TAFA1: variants seen among roughly 807,000 people sequenced by gnomAD.
TAFA1 encodes chemokine-like protein TAFA-1.
In TAFA1, 4 loss-of-function variants were observed where a neutral mutation model predicts 18.5. The observed-to-expected ratio is 0.22, with a 90% CI of 0.11 to 0.49. The LOEUF (loss-of-function observed/expected upper bound fraction) is 0.49, where lower values mean the gene tolerates loss of function less well. Ranked by LOEUF, TAFA1 falls within the 20% of genes least tolerant of loss-of-function variation. The pLI is 0.98. For synonymous variants in TAFA1, 56 were observed against 55.2 expected (o/e 1.01, Z -0.06); for missense variants, 147 against 169.0 (o/e 0.87, Z 0.72).
At chr3:68,063,748 T>C (rs1416013925) in intron 2 of TAFA1, among the ~76,000 whole-genome samples, 2 of 152,206 alleles carry the variant, frequency 1.3e-5, no homozygotes, top group Non-Finnish European at 2.9e-5. Context: ...CATCTTATTA[T>C]ATCACACATT....
At chr3:68,038,187 CATT>C (rs898904281) in intron 2 of TAFA1, among the ~76,000 whole-genome samples, 1 of 152,092 alleles carries the variant, frequency 6.6e-6, no homozygotes, top group African/African-American at 2.4e-5. Flanking sequence ...TAATGACTCT[CATT>C]GTCATATTTC....
At position 68,223,397 on chromosome 3, in the gene TAFA1, G is replaced by T. The variant is rs531984625; in HGVS notation, c.119-193883G>T. Among the ~76,000 whole-genome samples, 6 of 152,190 alleles carry T rather than the reference G, an allele frequency of 3.9e-5. No individual in the cohort carries two copies. In the South Asian group the frequency reaches 1.2e-3, roughly 32 times the overall value. ...CACCGTGTTATTCAATAGTATCACT[G>T]AATATTTACAACAAGTTAACTAAGT... On this transcript the variant is annotated intron_variant, in intron 2 of 4. Coordinates refer to ENST00000478136, the MANE Select transcript of TAFA1 (RefSeq NM_213609.4).
At chr3:68,063,082 C>T (rs1488171410) in intron 2 of TAFA1, among the ~76,000 whole-genome samples, 1 of 152,174 alleles carries the variant, frequency 6.6e-6, no homozygotes, top group Non-Finnish European at 1.5e-5. Context: ...CCAGTGGATC[C>T]TTGCCACGTA....
intron 3 of TAFA1, among the ~76,000 whole-genome samples, chr3:68,473,935 G>A (rs2072045169): frequency 6.6e-6 from 1 of 152,048 alleles, no homozygotes; most frequent in Admixed American, 6.6e-5. Context: ...CATGGAAAGT[G>A]CTAGATAAAC....
At chr3:68,077,918 G>A (rs1468340167) in intron 2 of TAFA1, among the ~76,000 whole-genome samples, 9 of 152,186 alleles carry the variant, frequency 5.9e-5, no homozygotes, top group South Asian at 2.1e-4. Flanking sequence ...ACACTTTCAC[G>A]ATATTGATTC....
At chr3:68,318,957 C>A (rs2068652448) in intron 2 of TAFA1, among the ~76,000 whole-genome samples, 1 of 151,934 alleles carries the variant, frequency 6.6e-6, no homozygotes, top group African/African-American at 2.4e-5. Context: ...TTTAAAATTA[C>A]CTTAATGCAG....
intron 2 of TAFA1, among the ~76,000 whole-genome samples, chr3:68,155,861 A>C (rs1277188513): frequency 4.6e-5 from 7 of 152,144 alleles, no homozygotes; most frequent in African/African-American, 1.4e-4. Context: ...GAACAGCTTA[A>C]AGTTATATAA....
intron 2 of TAFA1, among the ~76,000 whole-genome samples, chr3:68,047,516 A>G (rs2064404496): frequency 6.6e-6 from 1 of 152,170 alleles, no homozygotes. Flanking sequence ...AATTAATGGG[A>G]TCTATTCTTT....
chr3:68,029,239 G>C (rs1218294458), intron 2 of TAFA1, among the ~76,000 whole-genome samples: 1 of 152,140 alleles, frequency 6.6e-6, no homozygotes, highest in African/African-American at 2.4e-5. Flanking sequence ...CTTTCTGGAG[G>C]CTATCAGCCC....
At chr3:68,004,048 T>G (rs1348212610), upstream of TAFA1, among the ~76,000 whole-genome samples, 1 of 152,220 alleles carries the variant, frequency 6.6e-6, no homozygotes, top group African/African-American at 2.4e-5. Flanking sequence ...TTCTTGTTTC[T>G]CCTTCCCTCT....
intron 2 of TAFA1, among the ~76,000 whole-genome samples, chr3:68,401,868 C>T (rs145749704): frequency 0.015 from 2,215 of 152,186 alleles, 60 homozygotes; most frequent in South Asian, 0.046. Flanking sequence ...AGAAAGAAAA[C>T]GCAGTCTTCA....
chr3:68,193,816 GC>G, intron 2 of TAFA1, among the ~76,000 whole-genome samples: 1 of 151,596 alleles, frequency 6.6e-6, no homozygotes, highest in Admixed American at 6.6e-5. Flanking sequence ...GGTTTCTGCC[GC>G]CCTAATACTG....
At chr3:68,517,340 A>G (rs1170018725) in intron 3 of TAFA1, among the ~76,000 whole-genome samples, 1 of 152,206 alleles carries the variant, frequency 6.6e-6, no homozygotes, top group African/African-American at 2.4e-5. Context: ...CTTTTTACAT[A>G]AAGTCATTGA....
At position 68,328,009 on chromosome 3, in the gene TAFA1, T is replaced by G. The variant is rs185839527; in HGVS notation, c.119-89271T>G. On this transcript the variant is annotated intron_variant, in intron 2 of 4. Transcript: ENST00000478136. ...ACTAATTGATTACATGCGTGTTAACTTTTTTTTAATATGGTACCTTCAAGG... is the reference window on the plus strand; with the variant it reads ...ACTAATTGATTACATGCGTGTTAACGTTTTTTTAATATGGTACCTTCAAGG... 6.0e-3 allele frequency among the ~76,000 whole-genome samples: 908 copies of G among 152,148 alleles called. 5 individuals are homozygous for G. The highest frequency in any genetic ancestry group is 0.021 in the African/African-American group (876 of 41,508).
chr3:68,457,590 G>T (rs1392340748), intron 3 of TAFA1, among the ~76,000 whole-genome samples: 7 of 152,248 alleles, frequency 4.6e-5, no homozygotes, highest in South Asian at 2.1e-4. Flanking sequence ...CATAAACATT[G>T]TGAATGTCTA....
chr3:68,191,540 T>G (rs2066340078), intron 2 of TAFA1, among the ~76,000 whole-genome samples: 1 of 151,836 alleles, frequency 6.6e-6, no homozygotes, highest in African/African-American at 2.4e-5. Context: ...CTTTAGTACA[T>G]ACCTGTAGGA....
At chr3:68,460,064 A>C (rs1269839303) in intron 3 of TAFA1, among the ~76,000 whole-genome samples, 1 of 152,184 alleles carries the variant, frequency 6.6e-6, no homozygotes, top group Non-Finnish European at 1.5e-5. Context: ...TCAATCTCCC[A>C]GTATGGCTAA....
intron 2 of TAFA1, among the ~76,000 whole-genome samples, chr3:68,026,051 GA>G (rs1704807832): frequency 1.3e-5 from 2 of 152,078 alleles, no homozygotes; most frequent in African/African-American, 2.4e-5. Context: ...ATAAATAAAA[GA>G]AAAATGTCAG....
At chr3:68,163,062 G>T (rs2065944585) in intron 2 of TAFA1, among the ~76,000 whole-genome samples, 8 of 152,152 alleles carry the variant, frequency 5.3e-5, no homozygotes, top group Admixed American at 5.2e-4. Flanking sequence ...TAAACTTAAT[G>T]ACTAGAGAAC....
Sources: allele counts gnomAD v4.1 joint callset (sites outside exome capture counted in the v4.1 genomes callset), GRCh38; gene constraint gnomAD v4.1.1; transcripts MANE v1.5; gene names NCBI Gene and HGNC (gene_info 2026-07-23, HGNC 2026-07-21).